DAB1: variants seen among roughly 807,000 people sequenced by gnomAD.
DAB1 encodes the protein DAB adaptor protein 1.
DAB1 carries 15 observed loss-of-function variants against 64.6 expected under a neutral mutation model. The ratio of observed to expected loss-of-function variants is 0.23; its 90% CI spans 0.16 to 0.36. DAB1 has a LOEUF of 0.36. Among genes scored for constraint, DAB1 ranks in the 10% least tolerant of loss-of-function variants. The pLI is 1.00. For missense variants in DAB1, 596 were observed against 706.7 expected, an observed-to-expected ratio of 0.84 and a Z score of 1.78; for synonymous variants, 235 against 251.9, an observed-to-expected ratio of 0.93 and a Z score of 0.64.
At chr1:57,130,338 T>C (rs999793717) in intron 4 of DAB1, among the ~76,000 whole-genome samples, 2 of 152,158 alleles carry the variant, frequency 1.3e-5, no homozygotes, top group African/African-American at 4.8e-5. Flanking sequence ...TATGGATGAG[T>C]AAACAGAGAT....
chr1:57,934,585 A>G (rs1644999892), intron 5 of DAB1, among the ~76,000 whole-genome samples: 1 of 152,128 alleles, frequency 6.6e-6, no homozygotes, highest in Non-Finnish European at 1.5e-5. Flanking sequence ...ATTTAACTTG[A>G]TCTATTATAG....
At chr1:57,237,889 T>C (rs962500417) in intron 2 of DAB1, among the ~76,000 whole-genome samples, 3 of 152,136 alleles carry the variant, frequency 2.0e-5, no homozygotes, top group Non-Finnish European at 4.4e-5. Context: ...GCATTGGATA[T>C]GGACATAAAA....
At chr1:57,394,509 G>A (rs1339293360) in intron 1 of DAB1, among the ~76,000 whole-genome samples, 1 of 152,216 alleles carries the variant, frequency 6.6e-6, no homozygotes. Context: ...AGAATAAGCT[G>A]TATGCACCAC....
At chr1:57,292,016 A>G (rs895021088) in intron 1 of DAB1, among the ~76,000 whole-genome samples, 1 of 152,148 alleles carries the variant, frequency 6.6e-6, no homozygotes, top group Non-Finnish European at 1.5e-5. Flanking sequence ...TCTTGTGACT[A>G]TCTGATAGTT....
chr1:58,394,014 T>C (rs1381403247), intron 3 of DAB1, among the ~76,000 whole-genome samples: 6 of 152,234 alleles, frequency 3.9e-5, no homozygotes, highest in African/African-American at 1.4e-4. Flanking sequence ...CAATTAAATA[T>C]AAAATTTAAA....
At chr1:57,464,619 T>A (rs936381245) in intron 7 of DAB1, among the ~76,000 whole-genome samples, 1 of 152,158 alleles carries the variant, frequency 6.6e-6, no homozygotes, top group African/African-American at 2.4e-5. Context: ...AAATAAGTAT[T>A]TCTCAAATGA....
intron 4 of DAB1, among the ~76,000 whole-genome samples, chr1:58,315,246 A>C (rs982156211): frequency 1.3e-5 from 2 of 152,182 alleles, no homozygotes; most frequent in African/African-American, 4.8e-5. Flanking sequence ...AATGGTATGA[A>C]GCACATACTG....
chr1:58,070,171 G>A (rs1461357277), intron 5 of DAB1, among the ~76,000 whole-genome samples: 1 of 152,130 alleles, frequency 6.6e-6, no homozygotes, highest in African/African-American at 2.4e-5. Flanking sequence ...TGCGGGGAGT[G>A]GCATTCTGCT....
intron 6 of DAB1, among the ~76,000 whole-genome samples, chr1:57,703,306 G>A (rs79374651): frequency 0.05 from 7,540 of 152,060 alleles, 481 homozygotes; most frequent in African/African-American, 0.15. Context: ...AAGGTCTAAT[G>A]TCCAGCATTT....
intron 3 of DAB1, among the ~76,000 whole-genome samples, chr1:58,349,363 T>G (rs1365799984): frequency 1.3e-5 from 2 of 152,164 alleles, no homozygotes; most frequent in African/African-American, 4.8e-5. Flanking sequence ...TGAGCAGCAA[T>G]TATTGCTGGT....
chr1:57,094,717 A>G (rs920339905), intron 4 of DAB1, among the ~76,000 whole-genome samples: 1 of 152,120 alleles, frequency 6.6e-6, no homozygotes, highest in Admixed American at 6.5e-5. Context: ...CTATGAGTAG[A>G]CCCACTGAAG....
At chr1:57,001,449 C>G (rs887136748) in intron 14 of DAB1, among the ~76,000 whole-genome samples, 1 of 152,058 alleles carries the variant, frequency 6.6e-6, no homozygotes, top group African/African-American at 2.4e-5. Context: ...TAATAAATAC[C>G]CCTTCTAGAG....
intron 4 of DAB1, among the ~76,000 whole-genome samples, chr1:58,319,324 C>T (rs535078329): frequency 1.1e-3 from 174 of 152,284 alleles, no homozygotes; most frequent in Non-Finnish European, 2.0e-3. Flanking sequence ...TTTTCTGCTT[C>T]CTATTTCATT....
chr1:58,063,750 T>C (rs564367632), intron 5 of DAB1, among the ~76,000 whole-genome samples: 1 of 152,244 alleles, frequency 6.6e-6, no homozygotes, highest in Admixed American at 6.5e-5. Flanking sequence ...ATGAAGTAGG[T>C]CCTAGATCAT....
At chr1:57,465,012 T>C (rs1407199082) in intron 7 of DAB1, among the ~76,000 whole-genome samples, 1 of 152,150 alleles carries the variant, frequency 6.6e-6, no homozygotes, top group African/African-American at 2.4e-5. Flanking sequence ...AGAAAAGAAG[T>C]GTTGTTAGCA....
At chr1:57,779,847 T>G (rs934312410) in intron 6 of DAB1, among the ~76,000 whole-genome samples, 2 of 152,082 alleles carry the variant, frequency 1.3e-5, no homozygotes, top group African/African-American at 4.8e-5. Context: ...ACACTTTACC[T>G]CTCCAGTTTT....
chr1:58,427,899 A>T (rs1039631056), intron 3 of DAB1, among the ~76,000 whole-genome samples: 2 of 152,224 alleles, frequency 1.3e-5, no homozygotes, highest in African/African-American at 4.8e-5. Flanking sequence ...AATTCATTCA[A>T]TAAGAATATT....
chr1:58,293,231 A>C (rs1160988041), intron 4 of DAB1, among the ~76,000 whole-genome samples: 3 of 152,178 alleles, frequency 2.0e-5, no homozygotes, highest in African/African-American at 7.2e-5. Flanking sequence ...AACTATGCAG[A>C]TATCTTCATG....
chr1:57,955,892 G>A (rs1280053225), intron 5 of DAB1, among the ~76,000 whole-genome samples: 1 of 152,164 alleles, frequency 6.6e-6, no homozygotes, highest in Non-Finnish European at 1.5e-5. Context: ...GTCTATATCA[G>A]TCATATTATT....
Sources: allele counts gnomAD v4.1 joint callset (sites outside exome capture counted in the v4.1 genomes callset), GRCh38; gene constraint gnomAD v4.1.1; transcripts MANE v1.5; gene names NCBI Gene and HGNC (gene_info 2026-07-23, HGNC 2026-07-21).